The following SLC30A9 variants were observed in gnomAD, a reference collection of about 807,000 sequenced individuals.
The protein encoded by SLC30A9 is proton-coupled zinc antiporter SLC30A9, mitochondrial.
In SLC30A9, 58 loss-of-function variants were observed where a neutral mutation model predicts 87.5. The ratio of observed to expected loss-of-function variants is 0.66; its 90% CI spans 0.54 to 0.82. The LOEUF (loss-of-function observed/expected upper bound fraction) is 0.82, where lower values mean the gene tolerates loss of function less well. SLC30A9 is among the 40% of genes least tolerant of loss of function. SLC30A9 has a pLI of 0.00. For missense variants in SLC30A9, 557 were observed against 679.1 expected (o/e 0.82, Z 2.00); for synonymous variants, 234 against 233.0 (o/e 1.00, Z -0.04).
chr4:42,063,105 T>C lies in SLC30A9; in HGVS notation c.1016T>C (p.Ile339Thr), dbSNP rs772760872. 2.2e-5 allele frequency: 35 copies of C among 1,613,712 alleles called. No homozygotes were observed. The highest frequency in any genetic ancestry group is 2.8e-5 in the Non-Finnish European group (33 of 1,179,804). The change falls in exon 11 of 18, where the codon ATA becomes ACA. Residue 339 changes from isoleucine to threonine, a missense_variant. Ile to Thr is a moderately conservative substitution (Grantham distance 89, BLOSUM62 -1). Coordinates refer to ENST00000264451, the MANE Select transcript of SLC30A9 (RefSeq NM_006345.4). ...GVMGLLHPQP[I>T]ESLLWAYCIL... ...ATGGGATTGCTTCATCCTCAACCAA[T>C]AGAATCCCTTCTATGGGTAATCCTC...
chr4:42,032,058 A>G (rs993346932), intron 6 of SLC30A9, among the ~76,000 whole-genome samples: 1 of 152,212 alleles, frequency 6.6e-6, no homozygotes, highest in Non-Finnish European at 1.5e-5. Flanking sequence ...TGGAACAGGT[A>G]TCTTACATAG....
In SLC30A9 at chr4:42,089,952, ATC is replaced by A. The variant is rs1293828738; in HGVS notation, c.*3829_*3830del. ...GGTATATGGCTTTCAGTGTTACCTT[ATC>A]TCATAATTTAGGTAATGATTTTTGC... is the stretch of plus-strand genomic sequence containing the variant. On this transcript the variant is annotated 3_prime_UTR_variant, in exon 18 of 18. Coordinates refer to ENST00000264451, the MANE Select transcript of SLC30A9 (RefSeq NM_006345.4). 1.3e-5 allele frequency: 2 copies of A among 152,236 alleles called. No homozygotes were observed. The highest frequency in any genetic ancestry group is 4.8e-5 in the African/African-American group (2 of 41,464). The allele number at this position is 152,236 out of a possible 1,614,324, so 9.4% of individuals were successfully genotyped here. A position where few individuals can be genotyped will look rare whatever the true frequency, so the allele number is the denominator to read the frequency against.
At chr4:42,081,266 T>C (rs4467606) in intron 17 of SLC30A9, among the ~76,000 whole-genome samples, 148,637 of 152,314 alleles carry the variant, frequency 0.98, 72,539 homozygotes, top group East Asian at 1. Flanking sequence ...AAAATGGATA[T>C]ATTTGCTATT....
intron 5 of SLC30A9, 67 bp downstream of exon 5, chr4:42,022,997 G>C (rs1716038695): frequency 1.1e-6 from 1 of 875,150 alleles, no homozygotes; most frequent in Non-Finnish European, 1.8e-6. Context: ...ATACATTTTA[G>C]ACAGAGTCAG....
Position 42,001,602 on chromosome 4 carries a change from A to AT in SLC30A9, c.110-8dup, listed in dbSNP as rs1714986116. ...CTTGGTTTGAAATTAAAGTATATAT[A>AT]TTTTTTCTTTTAGAGTGGCAGAATT... On this transcript the variant is annotated splice_polypyrimidine_tract_variant and intron_variant, in intron 1 of 17. Transcript: ENST00000264451. 1 of 1,538,660 alleles carries AT rather than the reference A, an allele frequency of 6.5e-7. No homozygotes were observed. The highest frequency in any genetic ancestry group is 8.9e-7 in the Non-Finnish European group (1 of 1,124,866).
At chr4:42,061,089 A>G (rs1010154083) in intron 10 of SLC30A9, among the ~76,000 whole-genome samples, 1 of 152,164 alleles carries the variant, frequency 6.6e-6, no homozygotes, top group Admixed American at 6.5e-5. Flanking sequence ...TGTACAAAAG[A>G]TTTAAAAACA....
chr4:42,064,874 TAAAA>T (rs537155954), intron 11 of SLC30A9, among the ~76,000 whole-genome samples: 112 of 151,604 alleles, frequency 7.4e-4, no homozygotes, highest in African/African-American at 1.8e-3. Context: ...TTCATTAAAA[TAAAA>T]AAAATGTGTT....
chr4:42,029,921 T>C (rs1716350453), intron 6 of SLC30A9: 1 of 749,276 alleles, frequency 1.3e-6, no homozygotes, highest in African/African-American at 1.7e-5. Flanking sequence ...GCACCTACCT[T>C]GGTTTTCCTC....
At chr4:42,036,889 T>G (rs1716697577) in intron 7 of SLC30A9, among the ~76,000 whole-genome samples, 1 of 152,162 alleles carries the variant, frequency 6.6e-6, no homozygotes, top group Non-Finnish European at 1.5e-5. Flanking sequence ...TGTGCTGGGA[T>G]AACTTAGGCT....
At position 42,009,109 on chromosome 4, in the gene SLC30A9, T is replaced by C. The variant is rs918396690; in HGVS notation, c.274+7329T>C. Among the ~76,000 whole-genome samples, 7 of 152,248 alleles carry C rather than the reference T, an allele frequency of 4.6e-5. No homozygotes were observed. In the South Asian group the frequency reaches 1.4e-3, roughly 31 times the overall value. On this transcript the variant is annotated intron_variant, in intron 2 of 17. Coordinates refer to ENST00000264451, the MANE Select transcript of SLC30A9 (RefSeq NM_006345.4). ...CAGACTCAGGGGAAAATATTTAATA[T>C]GGTTCCACCATTCAGAATCTTTCAA...
chr4:42,018,524 T>C, intron 3 of SLC30A9: 1 of 808,600 alleles, frequency 1.2e-6, no homozygotes, highest in Non-Finnish European at 1.6e-6. Flanking sequence ...TGGCCGTTAT[T>C]GTCTGACTTT....
At chr4:42,033,912 A>G (rs1716564949) in intron 6 of SLC30A9, among the ~76,000 whole-genome samples, 1 of 152,204 alleles carries the variant, frequency 6.6e-6, no homozygotes, top group East Asian at 1.9e-4. Context: ...CATGAGGACT[A>G]TGCTATAGCG....
chr4:42,083,991 A>G (rs1487806337), intron 17 of SLC30A9, among the ~76,000 whole-genome samples: 3 of 151,976 alleles, frequency 2.0e-5, no homozygotes, highest in Admixed American at 6.5e-5. Flanking sequence ...CTGGAGCAAA[A>G]CTCCAATATT....
chr4:42,006,167 C>A, intron 2 of SLC30A9, among the ~76,000 whole-genome samples: 1 of 152,194 alleles, frequency 6.6e-6, no homozygotes, highest in East Asian at 1.9e-4. Flanking sequence ...AGGTTATATG[C>A]AAATACTGCA....
chr4:42,023,003 G>A, intron 5 of SLC30A9, 73 bp downstream of exon 5: 1 of 857,700 alleles, frequency 1.2e-6, no homozygotes, highest in Non-Finnish European at 1.8e-6. Context: ...TTTAGACAGA[G>A]TCAGAATTTT....
chr4:42,001,920 C>A (rs1010270858), intron 2 of SLC30A9, 140 bp downstream of exon 2: 2 of 553,084 alleles, frequency 3.6e-6, no homozygotes, highest in Non-Finnish European at 6.2e-6. Flanking sequence ...TATTAAAGCA[C>A]TTATTTAATT....
intron 8 of SLC30A9, among the ~76,000 whole-genome samples, chr4:42,040,721 G>T (rs113305708): frequency 1.3e-5 from 2 of 149,604 alleles, no homozygotes; most frequent in East Asian, 4.0e-4. Flanking sequence ...GTGTGAACCC[G>T]GGAGGTGGAG....
At chr4:42,046,844 C>G (rs1464749032) in intron 8 of SLC30A9, among the ~76,000 whole-genome samples, 2 of 152,162 alleles carry the variant, frequency 1.3e-5, no homozygotes, top group Non-Finnish European at 2.9e-5. Flanking sequence ...TACTACAAGG[C>G]TGCGGTAACC....
chr4:42,022,803 TTGTC>T lies in SLC30A9; in HGVS notation c.435-32_435-29del, dbSNP rs759609590. 1.8e-5 allele frequency: 23 copies of T among 1,298,256 alleles called. 1 individual carries two copies. The East Asian group carries it at 3.7e-4, about 21-fold the overall frequency. 80.4% of individuals were successfully genotyped at this position (1,298,256 alleles called of 1,614,324 possible). ...TTTAAGTATATAAACTATATGCACT[TTGTC>T]TGAATAAATTCAACATGTTTCTTTC... On this transcript the variant is annotated intron_variant, in intron 4 of 17. Coordinates refer to ENST00000264451, the MANE Select transcript of SLC30A9 (RefSeq NM_006345.4).
Sources: gnomAD v4.1 joint callset for allele counts (sites outside exome capture counted in the v4.1 genomes callset) on GRCh38, gnomAD v4.1.1 for gene constraint, MANE v1.5 for transcripts, NCBI Gene and HGNC (gene_info 2026-07-23, HGNC 2026-07-21) for gene names.